Variants in PALM2AKAP2 observed in about 807,000 individuals in gnomAD.
PALM2AKAP2 encodes PALM2-AKAP2 fusion protein.
In PALM2AKAP2, 37 loss-of-function variants were observed where a neutral mutation model predicts 71.5. The ratio of observed to expected loss-of-function variants is 0.52; its 90% confidence interval spans 0.40 to 0.68. The LOEUF is 0.68. PALM2AKAP2 is among the 30% of genes least tolerant of loss of function. The pLI, the probability that PALM2AKAP2 is intolerant of heterozygous loss-of-function variation, is 0.00. For missense variants in PALM2AKAP2, 1,224 were observed against 1,191.8 expected, an observed-to-expected ratio of 1.03 and a Z score of -0.40; for synonymous variants, 468 against 478.8, an observed-to-expected ratio of 0.98 and a Z score of 0.29.
At chr9:109,640,835 C>A (rs1299203568) in exon 1 of PALM2AKAP2, 2 of 1,517,008 alleles carry the variant, frequency 1.3e-6, no homozygotes, top group Non-Finnish European at 8.8e-7. Context: ...AGCCCCGCAG[C>A]AGCGCACCCG....
chr9:109,988,548 A>C (rs12375797), intron 6 of PALM2AKAP2, among the ~76,000 whole-genome samples: 47,488 of 149,084 alleles, frequency 0.32, 9,308 homozygotes, highest in Non-Finnish European at 0.44. Flanking sequence ...AAGAAGGAAG[A>C]AAGGGAGGGA....
chr9:109,851,707 A>G (rs1829026209), intron 1 of PALM2AKAP2, among the ~76,000 whole-genome samples: 1 of 152,196 alleles, frequency 6.6e-6, no homozygotes, highest in Admixed American at 6.5e-5. Context: ...GTGATGATGG[A>G]GTATAATCAC....
At chr9:110,134,387 C>T (rs2418072) in intron 1 of PALM2AKAP2, among the ~76,000 whole-genome samples, 114,478 of 152,136 alleles carry the variant, frequency 0.75, 43,181 homozygotes, top group East Asian at 0.97. Flanking sequence ...AGTATCACTC[C>T]TTAACAAAGA....
chr9:110,045,070 C>A (rs78492439), upstream of PALM2AKAP2, among the ~76,000 whole-genome samples: 2 of 49,544 alleles, frequency 4.0e-5, no homozygotes, highest in African/African-American at 1.8e-4. Flanking sequence ...TCTTGGGTCC[C>A]CTGGCTCAGG....
chr9:109,919,709 GTA>G (rs370844105), intron 3 of PALM2AKAP2, among the ~76,000 whole-genome samples: 1,789 of 148,108 alleles, frequency 0.012, 22 homozygotes, highest in African/African-American at 0.023. Context: ...TTAGTAGGAT[GTA>G]TATATATATA....
intron 1 of PALM2AKAP2, among the ~76,000 whole-genome samples, chr9:109,783,275 G>A (rs1327784): frequency 0.49 from 73,550 of 151,528 alleles, 19,385 homozygotes; most frequent in African/African-American, 0.68. Context: ...GTCTTGTCCT[G>A]TGGGGGGTCA....
chr9:110,005,795 G>A (rs144286195), intron 6 of PALM2AKAP2, among the ~76,000 whole-genome samples: 5 of 152,198 alleles, frequency 3.3e-5, no homozygotes, highest in Non-Finnish European at 5.9e-5. Context: ...AGCAATGAGC[G>A]AGGCTCTGTG....
chr9:109,717,575 T>C (rs1828344370), intron 1 of PALM2AKAP2, among the ~76,000 whole-genome samples: 1 of 152,168 alleles, frequency 6.6e-6, no homozygotes, highest in African/African-American at 2.4e-5. Context: ...AGTCATCATA[T>C]AAAGATAGCA....
intron 5 of PALM2AKAP2, among the ~76,000 whole-genome samples, chr9:109,926,177 G>A (rs1830952366): frequency 6.6e-6 from 1 of 152,172 alleles, no homozygotes; most frequent in Admixed American, 6.5e-5. Flanking sequence ...TACGGGGAAA[G>A]GTTTAAAAAT....
intron 7 of PALM2AKAP2, among the ~76,000 whole-genome samples, chr9:110,027,000 G>A (rs912086780): frequency 9.2e-5 from 14 of 152,192 alleles, no homozygotes; most frequent in African/African-American, 2.6e-4. Flanking sequence ...CCGAGATCGC[G>A]CCACTGCACT....
chr9:110,001,263 A>G (rs1304502399), intron 6 of PALM2AKAP2, among the ~76,000 whole-genome samples: 2 of 152,186 alleles, frequency 1.3e-5, no homozygotes, highest in African/African-American at 4.8e-5. Context: ...CCATTTATTA[A>G]ATAGGGAATT....
intron 1 of PALM2AKAP2, among the ~76,000 whole-genome samples, chr9:110,112,395 T>A (rs540706817): frequency 6.6e-6 from 1 of 152,220 alleles, no homozygotes; most frequent in African/African-American, 2.4e-5. Context: ...TGAGCTTCAA[T>A]GTGTTCATCC....
At chr9:110,085,093 A>G (rs980742218) in intron 1 of PALM2AKAP2, among the ~76,000 whole-genome samples, 2 of 152,198 alleles carry the variant, frequency 1.3e-5, no homozygotes, top group African/African-American at 2.4e-5. Flanking sequence ...GGTTGAGTCT[A>G]CAGTGTGTAA....
chr9:110,084,619 C>T (rs1385165958), intron 1 of PALM2AKAP2, among the ~76,000 whole-genome samples: 1 of 152,088 alleles, frequency 6.6e-6, no homozygotes, highest in Non-Finnish European at 1.5e-5. Context: ...CTTATGATAG[C>T]TAATGCCATG....
chr9:109,702,813 T>C (rs1472794517), intron 1 of PALM2AKAP2, among the ~76,000 whole-genome samples: 2 of 151,298 alleles, frequency 1.3e-5, no homozygotes, highest in African/African-American at 4.8e-5. Context: ...TTTTTACTTT[T>C]TCTTTTCTTT....
chr9:109,839,613 A>T (rs1047398833), intron 1 of PALM2AKAP2, among the ~76,000 whole-genome samples: 1 of 152,252 alleles, frequency 6.6e-6, no homozygotes, highest in Non-Finnish European at 1.5e-5. Flanking sequence ...TTTGCAGATG[A>T]CATGATTGTA....
chr9:109,959,258 C>T (rs1162068752), intron 6 of PALM2AKAP2, among the ~76,000 whole-genome samples: 1 of 152,200 alleles, frequency 6.6e-6, no homozygotes, highest in Non-Finnish European at 1.5e-5. Flanking sequence ...GGTCTGAAAG[C>T]AGTAAGCCAG....
At chr9:109,788,067 G>A (rs1827015612) in intron 1 of PALM2AKAP2, among the ~76,000 whole-genome samples, 1 of 152,168 alleles carries the variant, frequency 6.6e-6, no homozygotes, top group African/African-American at 2.4e-5. Context: ...CATTAAATGA[G>A]CCCTTGCAAA....
intron 6 of PALM2AKAP2, among the ~76,000 whole-genome samples, chr9:109,992,155 G>T (rs1832496017): frequency 6.6e-6 from 1 of 152,148 alleles, no homozygotes; most frequent in Non-Finnish European, 1.5e-5. Flanking sequence ...AGGTCTAGGG[G>T]TGCTTCCGGG....
Sources: gnomAD v4.1 joint callset for allele counts (sites outside exome capture counted in the v4.1 genomes callset) on GRCh38, gnomAD v4.1.1 for gene constraint, MANE v1.5 for transcripts, NCBI Gene and HGNC (gene_info 2026-07-23, HGNC 2026-07-21) for gene names.